The following UGGT2 variants were observed in gnomAD, a reference collection of about 807,000 sequenced individuals.
The protein encoded by UGGT2 is UDP-glucose glycoprotein glucosyltransferase 2, also known as UDP-glucose:glycoprotein glucosyltransferase 2.
Under a neutral mutation model 192.1 loss-of-function variants are expected in UGGT2, and 180 were observed. The ratio of observed to expected loss-of-function variants is 0.94; its 90% confidence interval spans 0.83 to 1.06. The LOEUF is 1.06. Ranked by LOEUF, UGGT2 falls within the 50% of genes least tolerant of loss-of-function variation. UGGT2 has a pLI of 0.00. For missense variants in UGGT2, 1,849 were observed against 1,795.7 expected, an observed-to-expected ratio of 1.03 and a Z score of -0.54; for synonymous variants, 580 against 591.0, an observed-to-expected ratio of 0.98 and a Z score of 0.27.
At chr13:95,825,204 T>C (rs1420026497) in intron 38 of UGGT2, among the ~76,000 whole-genome samples, 1 of 152,286 alleles carries the variant, frequency 6.6e-6, no homozygotes, top group African/African-American at 2.4e-5. Flanking sequence ...ATTTAATTTC[T>C]CCCCAGTATT....
chr13:95,875,620 A>C (rs1417372190), intron 29 of UGGT2, among the ~76,000 whole-genome samples: 1 of 152,166 alleles, frequency 6.6e-6, no homozygotes, highest in Non-Finnish European at 1.5e-5. Flanking sequence ...CTCTTCCTGG[A>C]ATGTTCCGTC....
At chr13:95,932,311 T>TG (rs2049311268) in intron 17 of UGGT2, among the ~76,000 whole-genome samples, 57 of 139,506 alleles carry the variant, frequency 4.1e-4, no homozygotes, top group African/African-American at 1.0e-3. Flanking sequence ...GGTATTTTAT[T>TG]TGTGTGTGTG....
intron 20 of UGGT2, among the ~76,000 whole-genome samples, chr13:95,920,197 A>C (rs1254473349): frequency 6.6e-6 from 1 of 151,562 alleles, no homozygotes; most frequent in Non-Finnish European, 1.5e-5. Flanking sequence ...TATTAACTTA[A>C]GATAAACTAA....
At chr13:95,865,920 G>A (rs1347887282) in intron 30 of UGGT2, among the ~76,000 whole-genome samples, 2 of 152,164 alleles carry the variant, frequency 1.3e-5, no homozygotes, top group African/African-American at 4.8e-5. Flanking sequence ...CCATTTTACA[G>A]ATGAGGAAAT....
chr13:95,894,282 A>G (rs892159563), intron 24 of UGGT2, among the ~76,000 whole-genome samples: 1 of 152,222 alleles, frequency 6.6e-6, no homozygotes, highest in Non-Finnish European at 1.5e-5. Flanking sequence ...TACTGCAAAA[A>G]TTACAAATGA....
At chr13:95,845,420 G>A (rs1050093254) in intron 36 of UGGT2, among the ~76,000 whole-genome samples, 3 of 131,198 alleles carry the variant, frequency 2.3e-5, no homozygotes, top group Middle Eastern at 3.6e-3. Context: ...AGCACATCTT[G>A]CACCGCCCTT....
chr13:95,806,437 T>C (rs1332476986), intron 38 of UGGT2, among the ~76,000 whole-genome samples: 1 of 152,122 alleles, frequency 6.6e-6, no homozygotes. Context: ...TAGAAAAACA[T>C]TACATATTTG....
chr13:95,884,239 C>CT (rs1366030637), intron 27 of UGGT2, among the ~76,000 whole-genome samples: 7 of 151,850 alleles, frequency 4.6e-5, no homozygotes, highest in African/African-American at 1.7e-4. Flanking sequence ...TCTTTGCAAG[C>CT]TAGTAGTCTC....
At chr13:95,893,358 C>G (rs557098859) in intron 24 of UGGT2, among the ~76,000 whole-genome samples, 2 of 152,180 alleles carry the variant, frequency 1.3e-5, no homozygotes, top group South Asian at 4.1e-4. Flanking sequence ...TACATGTATA[C>G]ACACACATCT....
intron 12 of UGGT2, among the ~76,000 whole-genome samples, chr13:95,954,243 T>C (rs898411698): frequency 1.3e-5 from 2 of 152,176 alleles, no homozygotes; most frequent in Admixed American, 6.5e-5. Context: ...TTCCAAGATA[T>C]CTCATTATGT....
rs745470199 is a variant in UGGT2, at chr13:95,801,749, T to C, written c.*41A>G. The C allele has an allele frequency of 6.2e-7, 1 of 1,608,846 alleles. No homozygotes were observed. Among genetic ancestry groups the C allele is most frequent in the South Asian group, 1.1e-5 (1 of 89,716 alleles). On this transcript the variant is annotated 3_prime_UTR_variant, in exon 39 of 39. Coordinates refer to ENST00000376747, the MANE Select transcript of UGGT2 (RefSeq NM_020121.4). ...CAGACTTCCCCAGCAGGCGGCAGGT[T>C]TCCTGTCATGCTTTCGCCTTCCTTC...
Position 96,004,800 on chromosome 13 carries a change from T to A in UGGT2, c.661-5493A>T, listed in dbSNP as rs2051921484. ...GAAAAATAATTTTATAAGCATTGTA[T>A]CCTTATTAAACAGCCACCTAGTTAT... On this transcript the variant is annotated intron_variant, in intron 5 of 38. Transcript: ENST00000376747. Among the ~76,000 whole-genome samples the A allele has an allele frequency of 2.0e-5, 3 of 151,988 alleles. No individual in the cohort carries two copies. The South Asian group carries it at 6.2e-4, about 32-fold the overall frequency.
At chr13:96,010,164 C>T (rs2139058553) in intron 5 of UGGT2, among the ~76,000 whole-genome samples, 1 of 152,224 alleles carries the variant, frequency 6.6e-6, no homozygotes, top group South Asian at 2.1e-4. Flanking sequence ...ATAAATTGCT[C>T]TACTATAAAA....
chr13:95,845,131 G>T (rs1231311453), intron 36 of UGGT2, among the ~76,000 whole-genome samples: 1 of 151,856 alleles, frequency 6.6e-6, no homozygotes, highest in Non-Finnish European at 1.5e-5. Context: ...TTGCATTCCT[G>T]GGATAAAGTT....
intron 10 of UGGT2, among the ~76,000 whole-genome samples, chr13:95,980,500 AG>A (rs1566789247): frequency 1.3e-5 from 2 of 152,276 alleles, no homozygotes; most frequent in East Asian, 3.9e-4. Flanking sequence ...ATTGGGTACC[AG>A]GTACACTGTT....
chr13:95,982,283 T>TAA (rs1025043088), intron 10 of UGGT2, among the ~76,000 whole-genome samples: 1 of 152,186 alleles, frequency 6.6e-6, no homozygotes, highest in Non-Finnish European at 1.5e-5. Context: ...GAACAGCCTG[T>TAA]AAAATCGAGC....
At chr13:95,909,741 T>C (rs2048416486) in intron 20 of UGGT2, among the ~76,000 whole-genome samples, 1 of 85,310 alleles carries the variant, frequency 1.2e-5, no homozygotes, top group African/African-American at 4.5e-5. Context: ...ACCCTAAAAC[T>C]TGAAGTATAA....
rs914040554 is a variant in UGGT2 at position 96,053,014 on chromosome 13, G to A, written c.158+141C>T. 1.3e-5 allele frequency: 15 copies of A among 1,177,080 alleles called. No individual in the cohort carries two copies. In the South Asian group the frequency reaches 1.6e-4, roughly 13 times the overall value. The allele number at this position is 1,177,080 out of a possible 1,614,324, so 72.9% of individuals were successfully genotyped here. A position where few individuals can be genotyped will look rare whatever the true frequency, so the allele number is the denominator to read the frequency against. On this transcript the variant is annotated intron_variant, in intron 1 of 38. Coordinates refer to ENST00000376747, the MANE Select transcript of UGGT2 (RefSeq NM_020121.4). ...GCCGCCCCGGGTCGGGAAGGAAGGAGGTGGTGATGCTCAGGGCCAGAGCGG... is the reference window on the plus strand; with the variant it reads ...GCCGCCCCGGGTCGGGAAGGAAGGAAGTGGTGATGCTCAGGGCCAGAGCGG...
chr13:95,844,183 A>C (rs1246363988), intron 36 of UGGT2, among the ~76,000 whole-genome samples: 1 of 152,160 alleles, frequency 6.6e-6, no homozygotes, highest in Non-Finnish European at 1.5e-5. Flanking sequence ...GCTGGTCTTC[A>C]ACTCCTGACC....
Sources: allele counts gnomAD v4.1 joint callset (sites outside exome capture counted in the v4.1 genomes callset), GRCh38; gene constraint gnomAD v4.1.1; transcripts MANE v1.5; gene names NCBI Gene and HGNC (gene_info 2026-07-23, HGNC 2026-07-21).